ACSL1: variants seen among roughly 807,000 people sequenced by gnomAD.
ACSL1 encodes the protein long-chain-fatty-acid--CoA ligase 1.
Under a neutral mutation model 98.4 loss-of-function variants are expected in ACSL1, and 41 were observed. The observed-to-expected ratio is 0.42, with a 90% CI of 0.32 to 0.54. ACSL1 has a LOEUF of 0.54. ACSL1 is among the 20% of genes least tolerant of loss of function. The pLI is 0.13. For missense variants in ACSL1, 734 were observed against 883.1 expected (o/e 0.83, Z 2.14); for synonymous variants, 316 against 322.7 (o/e 0.98, Z 0.22).
At chr4:184,765,543 A>C (rs1158574750) in intron 14 of ACSL1, among the ~76,000 whole-genome samples, 1 of 152,194 alleles carries the variant, frequency 6.6e-6, no homozygotes, top group Admixed American at 6.5e-5. Context: ...CAAAGTCTCC[A>C]TCAGGAGGAA....
At chr4:184,799,261 C>A (rs946918136) in intron 2 of ACSL1, among the ~76,000 whole-genome samples, 13 of 151,990 alleles carry the variant, frequency 8.6e-5, no homozygotes, top group Admixed American at 3.3e-4. Flanking sequence ...GGATTACAGG[C>A]ACACGCCACC....
At position 184,763,234 on chromosome 4, in the gene ACSL1, G is replaced by A. The variant is rs770681248; in HGVS notation, c.1454C>T (p.Pro485Leu). The A allele has an allele frequency of 4.3e-6, 7 of 1,613,886 alleles. No individual in the cohort carries two copies. Among genetic ancestry groups the A allele is most frequent in the Admixed American group, 3.3e-5 (2 of 59,960 alleles). ...WTAGHVGAPM[P>L]CNLIKLVDVE... Reference sequence around the variant, plus strand: ...ATCAACAAGTTTTATCAAATTGCACGGCATCGGGGCCCCAACATGGCCTGT... The same window carrying A: ...ATCAACAAGTTTTATCAAATTGCACAGCATCGGGGCCCCAACATGGCCTGT... The change falls in exon 16 of 21, where the codon CCG becomes CTG. Residue 485 changes from proline (P) to leucine (L), a missense_variant. Pro to Leu is a moderately conservative substitution (Grantham distance 98, BLOSUM62 -3). Coordinates refer to ENST00000281455, the MANE Select transcript of ACSL1 (RefSeq NM_001995.5).
intron 16 of ACSL1, among the ~76,000 whole-genome samples, chr4:184,762,807 C>T (rs1443103201): frequency 1.3e-5 from 2 of 152,232 alleles, no homozygotes; most frequent in African/African-American, 4.8e-5. Flanking sequence ...GATGAAATCA[C>T]TTTTAAGTAA....
At chr4:184,762,969 C>A (rs1275724740) in intron 16 of ACSL1, among the ~76,000 whole-genome samples, 198 bp downstream of exon 16, 1 of 152,214 alleles carries the variant, frequency 6.6e-6, no homozygotes, top group East Asian at 1.9e-4. Context: ...GGAAGACAGG[C>A]ATCAGTGTCC....
chr4:184,787,922 C>T (rs1246593563), intron 3 of ACSL1, among the ~76,000 whole-genome samples: 1 of 151,734 alleles, frequency 6.6e-6, no homozygotes, highest in Non-Finnish European at 1.5e-5. Flanking sequence ...AGTCCCAGTG[C>T]TTTGGGAGGC....
intron 7 of ACSL1, among the ~76,000 whole-genome samples, chr4:184,774,583 C>T (rs72695633): frequency 0.013 from 2,026 of 152,034 alleles, 20 homozygotes; most frequent in Non-Finnish European, 0.018. Context: ...TGATGGGGTT[C>T]GGTTTACTGC....
At position 184,779,400 on chromosome 4, in the gene ACSL1, A is replaced by G. The variant is rs182088059; in HGVS notation, c.477+932T>C. Among the ~76,000 whole-genome samples the G allele has an allele frequency of 4.2e-3, 638 of 152,318 alleles. 5 individuals carry two copies. Among genetic ancestry groups the G allele is most frequent in the Non-Finnish European group, 5.7e-3 (391 of 68,032 alleles). The stretch of plus-strand genomic sequence containing the variant: ...ATTCTGAGGCCCCCCCAGCCATGTG[A>G]AACTGCAAGTCCAATTAAACCTCTT... On this transcript the variant is annotated intron_variant, in intron 5 of 20. Coordinates refer to ENST00000281455, the MANE Select transcript of ACSL1 (RefSeq NM_001995.5).
Position 184,773,965 on chromosome 4 carries a change from C to T in ACSL1, c.757-90G>A. On this transcript the variant is annotated intron_variant, in intron 7 of 20. Coordinates refer to ENST00000281455, the MANE Select transcript of ACSL1 (RefSeq NM_001995.5). The surrounding 1 kb of genome is among the most constrained non-coding windows in gnomAD (Gnocchi z 4.3). ...ATCGAGTCACTTAAAGCTGGCTTTA[C>T]TGTGGGGTTCATTCACACCTGGCTC... 3 of 1,442,566 alleles carry T rather than the reference C, an allele frequency of 2.1e-6. No homozygotes were observed. Among genetic ancestry groups the T allele is most frequent in the South Asian group, 2.4e-5 (2 of 84,812 alleles). 89.4% of individuals were successfully genotyped at this position (1,442,566 alleles called of 1,614,324 possible).
At position 184,757,597 on chromosome 4, in the gene ACSL1, G is replaced by T; in HGVS notation, c.1956+38C>A. 6.3e-7 allele frequency: 1 copy of T among 1,575,132 alleles called. No homozygotes were observed. On this transcript the variant is annotated intron_variant, in intron 20 of 20. Coordinates refer to ENST00000281455, the MANE Select transcript of ACSL1 (RefSeq NM_001995.5). The surrounding 1 kb of genome is among the most constrained non-coding windows in gnomAD (Gnocchi z 4.5). The stretch of plus-strand genomic sequence containing the variant: ...GTAAAAAAATCTTAATGGAAAATTT[G>T]TTTTACAGGAATTCACCCACTCAGA...
chr4:184,773,972 G>A lies in ACSL1; in HGVS notation c.757-97C>T. On this transcript the variant is annotated intron_variant, in intron 7 of 20. Coordinates refer to ENST00000281455, the MANE Select transcript of ACSL1 (RefSeq NM_001995.5). This position sits in a 1 kb window ranked among gnomAD's most constrained non-coding sequence, Gnocchi z 4.3. ...CACTTAAAGCTGGCTTTACTGTGGG[G>A]TTCATTCACACCTGGCTCGAAAACA... The A allele has an allele frequency of 7.3e-7, 1 of 1,372,354 alleles. No individual in the cohort carries two copies. The highest frequency in any genetic ancestry group is 1.0e-6 in the Non-Finnish European group (1 of 973,602). The allele number at this position is 1,372,354 out of a possible 1,614,324, so 85.0% of individuals were successfully genotyped here.
chr4:184,775,540 G>C (rs1765151073), intron 7 of ACSL1, among the ~76,000 whole-genome samples: 1 of 152,134 alleles, frequency 6.6e-6, no homozygotes, highest in Non-Finnish European at 1.5e-5. Context: ...AAGCACCCGG[G>C]TCAGCACTTG....
intron 2 of ACSL1, among the ~76,000 whole-genome samples, chr4:184,795,752 T>G (rs1769248884): frequency 6.6e-6 from 1 of 152,214 alleles, no homozygotes; most frequent in Non-Finnish European, 1.5e-5. Context: ...AGCAACTCAA[T>G]TGTTTCCTGT....
At chr4:184,823,144 C>T (rs1466445404) in intron 1 of ACSL1, among the ~76,000 whole-genome samples, 1 of 152,224 alleles carries the variant, frequency 6.6e-6, no homozygotes, top group Non-Finnish European at 1.5e-5. Flanking sequence ...TGTCTGACTA[C>T]CAAGTTGGAC....
In ACSL1 at chr4:184,825,439, G is replaced by A. The variant is rs1241081269; in HGVS notation, c.-33+477C>T. ...CGCTGCGTGGGGCCGGCATCTCAGC[G>A]GGCGCGAGTGCAGTCTCGCCCCACG... is the stretch of plus-strand genomic sequence containing the variant. On this transcript the variant is annotated intron_variant, in intron 1 of 20. Transcript: ENST00000281455. This position sits in a 1 kb window ranked among gnomAD's most constrained non-coding sequence, Gnocchi z 4.7. 2.6e-5 allele frequency among the ~76,000 whole-genome samples: 4 copies of A among 152,100 alleles called. No homozygotes were observed. The highest frequency in any genetic ancestry group is 2.4e-5 in the African/African-American group (1 of 41,526).
At chr4:184,762,347 G>A (rs1579833066) in intron 17 of ACSL1, 60 bp downstream of exon 17, 1 of 1,407,942 alleles carries the variant, frequency 7.1e-7, no homozygotes, top group East Asian at 2.3e-5. Context: ...CAGTAGATAA[G>A]ACATTTTCTT....
chr4:184,792,342 A>T (rs1225294316), intron 2 of ACSL1, among the ~76,000 whole-genome samples: 1 of 152,210 alleles, frequency 6.6e-6, no homozygotes, highest in African/African-American at 2.4e-5. Flanking sequence ...TAATTTCAAG[A>T]AAGGGGGTTG....
Position 184,803,393 on chromosome 4 carries a change from G to A in ACSL1, c.122C>T (p.Thr41Ile), listed in dbSNP as rs1162650044. 1.2e-6 allele frequency: 2 copies of A among 1,613,940 alleles called. No homozygotes were observed. Among genetic ancestry groups the A allele is most frequent in the Non-Finnish European group, 8.5e-7 (1 of 1,179,948 alleles). Residue 41 changes from threonine to isoleucine, a missense_variant, in exon 2 of 21, where the codon ACC becomes ATC. Transcript: ENST00000281455. This position sits in a 1 kb window ranked among gnomAD's most constrained non-coding sequence, Gnocchi z 4.8. ...MGFGAFAALT[T>I]FWYATRPKPL... ...TTTGGGTCTCGTGGCGTACCAGAAG[G>A]TGGTGAGTGCTGCAAAAGCTCCGAA...
rs1025337560 is a variant in ACSL1, at chr4:184,791,386, C to G, written c.196-2655G>C. ...TCAGGATGAACAGACAGAAGCAAGC[C>G]TGAAATCTCAGGTGCACAGGCTCAT... is the stretch of plus-strand genomic sequence containing the variant. On this transcript the variant is annotated intron_variant, in intron 2 of 20. Transcript: ENST00000281455. Among the ~76,000 whole-genome samples the G allele has an allele frequency of 2.0e-5, 3 of 152,274 alleles. No homozygotes were observed. The South Asian group carries it at 6.2e-4, about 32-fold the overall frequency.
At chr4:184,793,372 T>C (rs969645256) in intron 2 of ACSL1, among the ~76,000 whole-genome samples, 4 of 152,168 alleles carry the variant, frequency 2.6e-5, no homozygotes, top group African/African-American at 9.7e-5. Flanking sequence ...AGGAAAACCG[T>C]GAACATCTGC....
Sources: gnomAD v4.1 joint callset for allele counts (sites outside exome capture counted in the v4.1 genomes callset) on GRCh38, gnomAD v4.1.1 for gene constraint, Gnocchi (gnomAD v3.1) non-coding constraint, MANE v1.5 for transcripts, NCBI Gene and HGNC (gene_info 2026-07-23, HGNC 2026-07-21) for gene names.